Variants in RFWD3 observed in about 807,000 individuals in gnomAD.
The protein encoded by RFWD3 is ring finger and WD repeat domain 3, also known as E3 ubiquitin-protein ligase RFWD3.
A neutral mutation model predicts 87.7 loss-of-function variants in RFWD3; 65 were observed. That is an observed-to-expected ratio of 0.74 (90% CI 0.61 to 0.91). RFWD3 has a LOEUF of 0.91. RFWD3 is among the 40% of genes least tolerant of loss of function. The pLI is 0.00. For synonymous variants in RFWD3, 433 were observed against 352.8 expected (o/e 1.23, Z -2.55); for missense variants, 1,078 against 938.5 (o/e 1.15, Z -1.94).
intron 2 of RFWD3, among the ~76,000 whole-genome samples, chr16:74,658,792 A>T (rs1961199971): frequency 1.3e-5 from 2 of 148,860 alleles, no homozygotes; most frequent in Admixed American, 6.7e-5. Context: ...TTTGAGACAG[A>T]GAGTCACTCT....
At chr16:74,634,821 G>A (rs1204391798) in intron 8 of RFWD3, among the ~76,000 whole-genome samples, 1 of 151,950 alleles carries the variant, frequency 6.6e-6, no homozygotes, top group Non-Finnish European at 1.5e-5. Context: ...AAAAAAGGGG[G>A]GAAGGGGGGC....
intron 11 of RFWD3, among the ~76,000 whole-genome samples, chr16:74,627,340 G>A (rs1167482013): frequency 1.3e-5 from 2 of 152,164 alleles, no homozygotes; most frequent in Admixed American, 1.3e-4. Flanking sequence ...GTCAACTTTG[G>A]CCTAGTTAAA....
chr16:74,625,122 C>A (rs1958888761), intron 12 of RFWD3, among the ~76,000 whole-genome samples: 1 of 151,900 alleles, frequency 6.6e-6, no homozygotes, highest in Admixed American at 6.6e-5. Context: ...ATCACTTGAA[C>A]CCAGGAGGTG....
chr16:74,636,110 A>C (rs1959194054), intron 8 of RFWD3, among the ~76,000 whole-genome samples: 1 of 152,148 alleles, frequency 6.6e-6, no homozygotes, highest in Non-Finnish European at 1.5e-5. Context: ...CAAGGACCTC[A>C]CCATCTGCTT....
At chr16:74,663,683 T>C (rs1380295551) in intron 1 of RFWD3, among the ~76,000 whole-genome samples, 1 of 152,108 alleles carries the variant, frequency 6.6e-6, no homozygotes, top group Non-Finnish European at 1.5e-5. Context: ...ACGACACAAA[T>C]GCAAACAGGG....
chr16:74,646,277 G>A (rs1960132975), intron 4 of RFWD3, among the ~76,000 whole-genome samples: 2 of 152,154 alleles, frequency 1.3e-5, no homozygotes, highest in African/African-American at 2.4e-5. Flanking sequence ...TCAGGAGGCT[G>A]AGGTAGAAGC....
chr16:74,665,882 G>C (rs1010752696), intron 1 of RFWD3, among the ~76,000 whole-genome samples: 2 of 152,154 alleles, frequency 1.3e-5, no homozygotes, highest in African/African-American at 4.8e-5. Flanking sequence ...GAGTAGCTGG[G>C]AAATGGGGTT....
At chr16:74,641,928 CAAAAAAAAA>C (rs71158533) in intron 6 of RFWD3, among the ~76,000 whole-genome samples, 1 of 52,488 alleles carries the variant, frequency 1.9e-5, no homozygotes, top group South Asian at 1.2e-3. Flanking sequence ...ACTCCGTCTC[CAAAAAAAAA>C]AAAAAAAAAA....
chr16:74,657,564 C>T (rs767667441), intron 2 of RFWD3, among the ~76,000 whole-genome samples: 4 of 151,548 alleles, frequency 2.6e-5, no homozygotes, highest in African/African-American at 4.9e-5. Flanking sequence ...CAACATCCAC[C>T]TCCCGGGTTC....
At chr16:74,661,926 AACTGTT>A (rs1276436272) in intron 1 of RFWD3, among the ~76,000 whole-genome samples, 30 of 152,348 alleles carry the variant, frequency 2.0e-4, no homozygotes, top group African/African-American at 7.0e-4. Context: ...TTGCAAAATT[AACTGTT>A]ACTAACTCAA....
intron 4 of RFWD3, among the ~76,000 whole-genome samples, chr16:74,647,588 A>T (rs1379820311): frequency 7.4e-6 from 1 of 134,494 alleles, no homozygotes; most frequent in Non-Finnish European, 1.7e-5. Flanking sequence ...GCGCCCGGCC[A>T]ACATTATTAT....
At position 74,661,176 on chromosome 16, in the gene RFWD3, CCA is replaced by C. The variant is rs1961402798; in HGVS notation, c.272_273del (p.Val91GlyfsTer12). On this transcript the variant is annotated frameshift_variant, in exon 2 of 13. Transcript: ENST00000361070. LOFTEE classifies it high-confidence loss of function. Reference sequence around the variant, plus strand: ...TCTGAAGTTCTTGGATTGATGTTCTCCACAGTGTCTTCTCCCAAGACCTCCAC... The same window carrying C: ...TCTGAAGTTCTTGGATTGATGTTCTCCAGTGTCTTCTCCCAAGACCTCCAC... ...TEVEVLGEDT[V>X]ENINPRTSEQ... 6.2e-6 allele frequency: 10 copies of C among 1,614,212 alleles called. No individual in the cohort carries two copies. The highest frequency in any genetic ancestry group is 8.5e-6 in the Non-Finnish European group (10 of 1,180,040).
intron 3 of RFWD3, among the ~76,000 whole-genome samples, chr16:74,651,171 C>T (rs890373403): frequency 3.9e-5 from 6 of 152,130 alleles, no homozygotes; most frequent in Non-Finnish European, 7.3e-5. Flanking sequence ...CTCTGGGGAT[C>T]AGAAAGTTTT....
rs990099903 is a variant in RFWD3, at chr16:74,623,093, T to G, written c.*835A>C. On this transcript the variant is annotated 3_prime_UTR_variant, in exon 13 of 13. Transcript: ENST00000361070. ...TCACTCATCTTTTCCTGGCAAGAGA[T>G]AGTGTTCTTCAAAGCACTAGCTTGG... 6.6e-6 allele frequency: 1 copy of G among 152,278 alleles called. No individual in the cohort carries two copies. The highest frequency in any genetic ancestry group is 1.5e-5 in the Non-Finnish European group (1 of 68,052). 9.4% of individuals were successfully genotyped at this position (152,278 alleles called of 1,614,324 possible).
intron 6 of RFWD3, 134 bp downstream of exon 6, chr16:74,644,228 G>A (rs1959920580): frequency 1.2e-6 from 1 of 806,990 alleles, no homozygotes; most frequent in Admixed American, 1.8e-5. Flanking sequence ...AAGACAGACT[G>A]CCAATGATCC....
chr16:74,644,301 C>A, intron 6 of RFWD3, 61 bp downstream of exon 6: 2 of 1,530,240 alleles, frequency 1.3e-6, no homozygotes, highest in East Asian at 4.5e-5. Context: ...ACTTCTTTTT[C>A]AGATGTGCCT....
intron 10 of RFWD3, among the ~76,000 whole-genome samples, chr16:74,629,547 T>C (rs1407171433): frequency 1.3e-5 from 2 of 151,942 alleles, no homozygotes; most frequent in African/African-American, 4.8e-5. Context: ...TAGTCCCAGC[T>C]ACTCGGGAGG....
rs1958832316 is a variant in RFWD3, at chr16:74,623,685, T to TTTAA, written c.*239_*242dup. On this transcript the variant is annotated 3_prime_UTR_variant, in exon 13 of 13. Coordinates refer to ENST00000361070, the MANE Select transcript of RFWD3 (RefSeq NM_018124.4). ...ACATACAATAATGGTTAATGAAGGC[T>TTTAA]TTAAACCCAAGAAATGGATAATGTA... The TTTAA allele has an allele frequency of 2.4e-6, 1 of 412,246 alleles. No homozygotes were observed. The highest frequency in any genetic ancestry group is 4.2e-5 in the East Asian group (1 of 23,790). 25.5% of individuals were successfully genotyped at this position (412,246 alleles called of 1,614,324 possible).
At chr16:74,653,088 T>C (rs543991251) in intron 2 of RFWD3, among the ~76,000 whole-genome samples, 22 of 152,230 alleles carry the variant, frequency 1.4e-4, no homozygotes, top group Admixed American at 1.2e-3. Flanking sequence ...TCTGTAATCC[T>C]AGCACTTTGG....
Sources: gnomAD v4.1 joint callset for allele counts (sites outside exome capture counted in the v4.1 genomes callset) on GRCh38, gnomAD v4.1.1 for gene constraint, MANE v1.5 for transcripts, NCBI Gene and HGNC (gene_info 2026-07-23, HGNC 2026-07-21) for gene names.